CDH13: variants seen among roughly 807,000 people sequenced by gnomAD.
CDH13 encodes cadherin-13.
Under a neutral mutation model 63.8 loss-of-function variants are expected in CDH13, and 24 were observed. The observed-to-expected ratio is 0.38, with a 90% CI of 0.27 to 0.53. The LOEUF (loss-of-function observed/expected upper bound fraction) is 0.53, where lower values mean the gene tolerates loss of function less well. Among genes scored for constraint, CDH13 ranks in the 20% least tolerant of loss-of-function variants. The probability of loss-of-function intolerance (pLI) is 0.85; values close to 1 mark genes in which losing one functional copy is unlikely to be tolerated. For missense variants in CDH13, 1,049 were observed against 903.1 expected (o/e 1.16, Z -2.07); for synonymous variants, 503 against 355.3 (o/e 1.42, Z -4.67).
intron 4 of CDH13, among the ~76,000 whole-genome samples, chr16:83,132,687 C>CA (rs2036112407): frequency 6.6e-6 from 1 of 152,092 alleles, no homozygotes; most frequent in Non-Finnish European, 1.5e-5. Flanking sequence ...CTCGGCCTCC[C>CA]AAAGGGTGGG....
At chr16:83,545,230 C>A (rs188141835) in intron 7 of CDH13, among the ~76,000 whole-genome samples, 2 of 152,246 alleles carry the variant, frequency 1.3e-5, no homozygotes, top group Admixed American at 1.3e-4. Flanking sequence ...CTCCAAGCAC[C>A]ATCTGACATA....
chr16:83,776,815 T>C (rs1429872010), intron 11 of CDH13, among the ~76,000 whole-genome samples: 1 of 152,198 alleles, frequency 6.6e-6, no homozygotes, highest in Non-Finnish European at 1.5e-5. Context: ...CTTTAAACTT[T>C]GGGGTCTCTC....
intron 1 of CDH13, among the ~76,000 whole-genome samples, chr16:82,671,325 A>G (rs892648892): frequency 4.6e-5 from 7 of 152,186 alleles, no homozygotes; most frequent in East Asian, 1.9e-4. Context: ...TTTTCCTGCT[A>G]TATTATAGTA....
chr16:83,366,347 T>C lies in CDH13; in HGVS notation c.781+21341T>C, dbSNP rs920871121. 2.6e-5 allele frequency among the ~76,000 whole-genome samples: 4 copies of C among 152,226 alleles called. No homozygotes were observed. The East Asian group carries it at 5.8e-4, about 22-fold the overall frequency. ...GAAGCTCCCAGAATTATGAATACTT[T>C]TGGTATGCGTGCGATGCCACTCATT... On this transcript the variant is annotated intron_variant, in intron 6 of 13. Transcript: ENST00000567109.
chr16:83,334,357 T>TCA (rs1231749192), intron 5 of CDH13, among the ~76,000 whole-genome samples: 36 of 58,386 alleles, frequency 6.2e-4, no homozygotes, highest in South Asian at 3.9e-3. Context: ...TCTCTCTCTC[T>TCA]CTCTCACACA....
chr16:83,289,949 C>T (rs2089424228), intron 5 of CDH13, among the ~76,000 whole-genome samples: 1 of 152,176 alleles, frequency 6.6e-6, no homozygotes, highest in South Asian at 2.1e-4. Flanking sequence ...AGAAGCAGAA[C>T]AAGACTCTTC....
intron 8 of CDH13, among the ~76,000 whole-genome samples, chr16:83,608,854 T>C (rs974673569): frequency 6.6e-6 from 1 of 152,074 alleles, no homozygotes; most frequent in Non-Finnish European, 1.5e-5. Flanking sequence ...AACTGCCTAA[T>C]ACAACCTCTA....
chr16:83,657,792 G>A (rs529814546), intron 8 of CDH13, among the ~76,000 whole-genome samples: 1 of 152,302 alleles, frequency 6.6e-6, no homozygotes, highest in East Asian at 1.9e-4. Flanking sequence ...CCCTGCCAGT[G>A]GCATCCTTCA....
intron 10 of CDH13, among the ~76,000 whole-genome samples, chr16:83,719,849 C>T (rs1909452162): frequency 1.3e-5 from 2 of 152,192 alleles, no homozygotes; most frequent in Non-Finnish European, 2.9e-5. Flanking sequence ...GCCCCACTCA[C>T]TGTGGGGCAG....
Position 83,428,058 on chromosome 16 carries a change from G to A in CDH13, c.782-58419G>A, listed in dbSNP as rs373545435. ...TCGGTCTCTGGTATATTTCCCCTTTGCAGATGACACAGAGAGGGTCATTTA... is the reference window on the plus strand; with the variant it reads ...TCGGTCTCTGGTATATTTCCCCTTTACAGATGACACAGAGAGGGTCATTTA... On this transcript the variant is annotated intron_variant, in intron 6 of 13. Coordinates refer to ENST00000567109, the MANE Select transcript of CDH13 (RefSeq NM_001257.5). 1.4e-3 allele frequency among the ~76,000 whole-genome samples: 209 copies of A among 152,286 alleles called. 1 individual carries two copies. Among genetic ancestry groups the A allele is most frequent in the African/African-American group, 4.9e-3 (205 of 41,558 alleles).
chr16:83,784,244 C>G (rs1028719379), intron 13 of CDH13, among the ~76,000 whole-genome samples: 1 of 152,162 alleles, frequency 6.6e-6, no homozygotes, highest in African/African-American at 2.4e-5. Flanking sequence ...TTTTATCCTA[C>G]TGACAGTGGT....
chr16:83,567,552 G>C (rs1345132814), intron 7 of CDH13, among the ~76,000 whole-genome samples: 1 of 152,124 alleles, frequency 6.6e-6, no homozygotes, highest in Non-Finnish European at 1.5e-5. Context: ...TAAAAAGCAA[G>C]AAATTGTCTA....
chr16:83,772,369 C>T (rs1914816618), intron 11 of CDH13, among the ~76,000 whole-genome samples: 1 of 152,098 alleles, frequency 6.6e-6, no homozygotes, highest in African/African-American at 2.4e-5. Flanking sequence ...ATGTGCTCCA[C>T]TTGAAGCCAT....
chr16:82,662,843 A>G (rs1912123181), intron 1 of CDH13, among the ~76,000 whole-genome samples: 1 of 152,058 alleles, frequency 6.6e-6, no homozygotes, highest in Non-Finnish European at 1.5e-5. Flanking sequence ...CCTCCAGGCC[A>G]GTGTGAGGTG....
At chr16:83,668,109 G>T (rs766347836) in intron 8 of CDH13, among the ~76,000 whole-genome samples, 5 of 152,154 alleles carry the variant, frequency 3.3e-5, no homozygotes, top group African/African-American at 1.2e-4. Flanking sequence ...GAACACTCAG[G>T]CAAGTGGCAG....
chr16:83,563,603 C>T (rs530876447), intron 7 of CDH13, among the ~76,000 whole-genome samples: 1 of 152,084 alleles, frequency 6.6e-6, no homozygotes, highest in Non-Finnish European at 1.5e-5. Flanking sequence ...TTACATATAG[C>T]CTTACGAATC....
At chr16:83,748,321 C>A (rs2150971925) in intron 11 of CDH13, 71 bp downstream of exon 11, 1 of 1,400,390 alleles carries the variant, frequency 7.1e-7, no homozygotes. Context: ...TTTTAAATTT[C>A]TTCTGATACA....
At chr16:83,686,204 T>G (rs903885517) in intron 10 of CDH13, among the ~76,000 whole-genome samples, 12 of 152,204 alleles carry the variant, frequency 7.9e-5, no homozygotes, top group African/African-American at 2.9e-4. Context: ...CTTAAGGCTT[T>G]TTGAACATGT....
intron 11 of CDH13, among the ~76,000 whole-genome samples, chr16:83,751,003 T>G (rs1051454339): frequency 2.6e-5 from 4 of 151,384 alleles, no homozygotes; most frequent in African/African-American, 7.3e-5. Flanking sequence ...AGGTAAAGCA[T>G]TCTAGTAGAA....
Sources: gnomAD v4.1 joint callset for allele counts (sites outside exome capture counted in the v4.1 genomes callset) on GRCh38, gnomAD v4.1.1 for gene constraint, MANE v1.5 for transcripts, NCBI Gene and HGNC (gene_info 2026-07-23, HGNC 2026-07-21) for gene names.